FBXO31: variants seen among roughly 807,000 people sequenced by gnomAD.
FBXO31 encodes the protein F-box only protein 31.
In FBXO31, 24 loss-of-function variants were observed where a neutral mutation model predicts 54.4. That is an observed-to-expected ratio of 0.44 (90% CI 0.32 to 0.62). The LOEUF (loss-of-function observed/expected upper bound fraction) is 0.62. Among genes scored for constraint, FBXO31 ranks in the 20% least tolerant of loss-of-function variants. The pLI is 0.05. For synonymous variants in FBXO31, 388 were observed against 335.6 expected (o/e 1.16, Z -1.71); for missense variants, 665 against 787.1 (o/e 0.84, Z 1.86).
intron 2 of FBXO31, 46 bp from the exon 3 acceptor site, chr16:87,347,296 G>A: frequency 6.5e-7 from 1 of 1,547,480 alleles, no homozygotes; most frequent in Non-Finnish European, 8.9e-7. Context: ...GACCCAGCGT[G>A]CCGCAGGGAG....
intron 2 of FBXO31, among the ~76,000 whole-genome samples, chr16:87,356,590 C>T (rs1383450040): frequency 9.2e-5 from 14 of 152,168 alleles, no homozygotes; most frequent in Admixed American, 7.9e-4. Context: ...CACCCTGAAG[C>T]GTGCTAACCA....
At chr16:87,340,767 G>A (rs1450622079) in intron 5 of FBXO31, among the ~76,000 whole-genome samples, 2 of 151,958 alleles carry the variant, frequency 1.3e-5, no homozygotes, top group Admixed American at 6.5e-5. Flanking sequence ...GACCTGCCTG[G>A]GCAACAAAGT....
intron 2 of FBXO31, among the ~76,000 whole-genome samples, chr16:87,357,062 A>C (rs1377218078): frequency 1.3e-5 from 2 of 152,130 alleles, no homozygotes; most frequent in African/African-American, 2.4e-5. Flanking sequence ...CCTGGGCAAC[A>C]TAGTGAGACC....
At chr16:87,369,353 C>T (rs1906499852) in intron 1 of FBXO31, among the ~76,000 whole-genome samples, 1 of 152,080 alleles carries the variant, frequency 6.6e-6, no homozygotes, top group Non-Finnish European at 1.5e-5. Flanking sequence ...ACTTCCCCAG[C>T]CCCGTCCTCG....
At chr16:87,332,669 C>A (rs558147321) in intron 8 of FBXO31, among the ~76,000 whole-genome samples, 7 of 150,860 alleles carry the variant, frequency 4.6e-5, no homozygotes, top group East Asian at 1.9e-4. Context: ...CCCTTCCCCC[C>A]ACCCAGACAT....
chr16:87,343,408 G>A (rs1391200990), intron 4 of FBXO31, among the ~76,000 whole-genome samples, 190 bp downstream of exon 4: 2 of 152,274 alleles, frequency 1.3e-5, no homozygotes, highest in Admixed American at 6.5e-5. Context: ...GGTCCAGCAA[G>A]TGACCGCTGC....
At position 87,336,088 on chromosome 16, in the gene FBXO31, G is replaced by A; in HGVS notation, c.842+67C>T. ...AGGACTATGCCCCAGCACCCACCGGGACAGGGCTGGTCCCCAGCACACACC... is the reference window on the plus strand; with the variant it reads ...AGGACTATGCCCCAGCACCCACCGGAACAGGGCTGGTCCCCAGCACACACC... On this transcript the variant is annotated intron_variant, in intron 6 of 8. Transcript: ENST00000311635. The surrounding 1 kb of genome is among the most constrained non-coding windows in gnomAD (Gnocchi z 6.5). 1 of 1,391,048 alleles carries A rather than the reference G, an allele frequency of 7.2e-7. No homozygotes were observed. Among genetic ancestry groups the A allele is most frequent in the Non-Finnish European group, 1.0e-6 (1 of 985,498 alleles). The allele number at this position is 1,391,048 out of a possible 1,614,324, so 86.2% of individuals were successfully genotyped here. A position where few individuals can be genotyped will look rare whatever the true frequency, so the allele number is the denominator to read the frequency against.
chr16:87,337,837 A>AC (rs1311026686), intron 5 of FBXO31, among the ~76,000 whole-genome samples: 14 of 152,174 alleles, frequency 9.2e-5, no homozygotes, highest in Admixed American at 3.9e-4. Context: ...AAAAAAAAAA[A>AC]AATGGAGCCT....
At chr16:87,356,327 T>C (rs1337861091) in intron 2 of FBXO31, among the ~76,000 whole-genome samples, 2 of 152,086 alleles carry the variant, frequency 1.3e-5, no homozygotes. Flanking sequence ...AAGTCGACTG[T>C]TCCCTCCCAC....
chr16:87,334,546 TGGGCAGCAGCCCAAGG>T (rs1904981886), intron 7 of FBXO31, among the ~76,000 whole-genome samples: 1 of 152,188 alleles, frequency 6.6e-6, no homozygotes, highest in Non-Finnish European at 1.5e-5. Context: ...ATCCCAGAGC[TGGGCAGCAGCCCAAGG>T]GGGCAGCCCA....
At chr16:87,350,480 C>A (rs2318448) in intron 2 of FBXO31, among the ~76,000 whole-genome samples, 1 of 152,156 alleles carries the variant, frequency 6.6e-6, no homozygotes, top group African/African-American at 2.4e-5. Context: ...TTTACGGTCA[C>A]ACCTAGACGG....
At chr16:87,390,907 G>A (rs1907516301), upstream of FBXO31, among the ~76,000 whole-genome samples, 1 of 152,112 alleles carries the variant, frequency 6.6e-6, no homozygotes, top group Admixed American at 6.5e-5. Flanking sequence ...CTATTTTCAT[G>A]TTTTGTATGA....
At chr16:87,374,794 A>T (rs1906751168) in intron 1 of FBXO31, among the ~76,000 whole-genome samples, 1 of 152,176 alleles carries the variant, frequency 6.6e-6, no homozygotes, top group African/African-American at 2.4e-5. Flanking sequence ...TTTAAATGTA[A>T]TCTTTTGTTA....
Position 87,338,612 on chromosome 16 carries a change from C to G in FBXO31, c.733-2348G>C, listed in dbSNP as rs1330320279. On this transcript the variant is annotated intron_variant, in intron 5 of 8. Coordinates refer to ENST00000311635, the MANE Select transcript of FBXO31 (RefSeq NM_024735.5). The surrounding 1 kb of genome is among the most constrained non-coding windows in gnomAD (Gnocchi z 4.3). ...CCCACGGCTGAGGGAACCCACAACC[C>G]TGGGAACATCATCAGATCATGCCAG... 6.6e-6 allele frequency among the ~76,000 whole-genome samples: 1 copy of G among 152,196 alleles called. No homozygotes were observed. The highest frequency in any genetic ancestry group is 1.5e-5 in the Non-Finnish European group (1 of 68,034).
chr16:87,357,506 T>G (rs920737083), intron 2 of FBXO31, among the ~76,000 whole-genome samples: 7 of 151,984 alleles, frequency 4.6e-5, no homozygotes, highest in African/African-American at 1.7e-4. Flanking sequence ...TTTTTGTACT[T>G]TTAGTAGAGA....
rs558032628 is a variant in FBXO31, at chr16:87,359,923, GGCACCACA to G, written c.412+364_412+371del. Among the ~76,000 whole-genome samples, 352 of 152,356 alleles carry G rather than the reference GGCACCACA, an allele frequency of 2.3e-3. 2 individuals carry two copies. The highest frequency in any genetic ancestry group is 8.1e-3 in the African/African-American group (337 of 41,578). ...CTCCGTACCTGGGGCTTGGACAGAA[GGCACCACA>G]GCTTCATTTCCCAATGACCACAGGC... On this transcript the variant is annotated intron_variant, in intron 2 of 8. Coordinates refer to ENST00000311635, the MANE Select transcript of FBXO31 (RefSeq NM_024735.5).
At chr16:87,361,055 C>T (rs551184954) in intron 1 of FBXO31, among the ~76,000 whole-genome samples, 5 of 152,196 alleles carry the variant, frequency 3.3e-5, no homozygotes, top group South Asian at 2.1e-4. Flanking sequence ...CCAGGTCCTC[C>T]GGCTTGGGTC....
Position 87,328,684 on chromosome 16 carries a change from C to T in FBXO31, c.*2604G>A, listed in dbSNP as rs1310724408. On this transcript the variant is annotated 3_prime_UTR_variant, in exon 9 of 9. Coordinates refer to ENST00000311635, the MANE Select transcript of FBXO31 (RefSeq NM_024735.5). ...ATTTCCAAACAAGTGACAAAGAACA[C>T]GTTCAGGTGTGCAGAGCTGCACTGC... The T allele has an allele frequency of 6.6e-6, 1 of 152,264 alleles. No individual in the cohort carries two copies. Among genetic ancestry groups the T allele is most frequent in the Non-Finnish European group, 1.5e-5 (1 of 68,068 alleles). 9.4% of individuals were successfully genotyped at this position (152,264 alleles called of 1,614,324 possible).
intron 1 of FBXO31, among the ~76,000 whole-genome samples, chr16:87,364,925 T>C (rs1269662778): frequency 6.9e-6 from 1 of 145,140 alleles, no homozygotes; most frequent in Non-Finnish European, 1.5e-5. Flanking sequence ...GAAGATCATC[T>C]GAGTCCAGGA....
Sources: gnomAD v4.1 joint callset for allele counts (sites outside exome capture counted in the v4.1 genomes callset) on GRCh38, gnomAD v4.1.1 for gene constraint, Gnocchi (gnomAD v3.1) non-coding constraint, MANE v1.5 for transcripts, NCBI Gene and HGNC (gene_info 2026-07-23, HGNC 2026-07-21) for gene names.